The following TENT4B variants were observed in gnomAD, a reference collection of about 807,000 sequenced individuals.
The protein encoded by TENT4B is PAP associated domain containing 5.
Under a neutral mutation model 75.0 loss-of-function variants are expected in TENT4B, and 10 were observed. The ratio of observed to expected loss-of-function variants is 0.13; its 90% CI spans 0.08 to 0.23. TENT4B has a LOEUF of 0.23. Ranked by LOEUF, TENT4B falls within the 10% of genes least tolerant of loss-of-function variation. The pLI is 1.00. For synonymous variants in TENT4B, 350 were observed against 357.7 expected (o/e 0.98, Z 0.24); for missense variants, 579 against 893.8 (o/e 0.65, Z 4.49).
At position 50,231,927 on chromosome 16, in the gene TENT4B, C is replaced by T. The variant is rs1224046477; in HGVS notation, c.*2599C>T. On this transcript the variant is annotated 3_prime_UTR_variant, in exon 12 of 12. Coordinates refer to ENST00000561678, the MANE Select transcript of TENT4B (RefSeq NM_001365324.3). ...TACTTCCTATATTTTGTGAATATAT[C>T]AGAAATGTGTCATTTATATATTAGA... The T allele has an allele frequency of 1.0e-6, 1 of 978,342 alleles. No homozygotes were observed. The highest frequency in any genetic ancestry group is 1.2e-6 in the Non-Finnish European group (1 of 823,636). 60.6% of individuals were successfully genotyped at this position (978,342 alleles called of 1,614,324 possible).
chr16:50,153,182 G>T (rs1352165215), upstream of TENT4B: 1 of 138,814 alleles, frequency 7.2e-6, no homozygotes, highest in African/African-American at 3.7e-5. Context: ...GGGCGGGGCG[G>T]TGGGGGGGGG....
At chr16:50,153,145 C>A, upstream of TENT4B, 1 of 459,902 alleles carries the variant, frequency 2.2e-6, no homozygotes, top group Non-Finnish European at 2.7e-6. Flanking sequence ...TGCTGCGCGG[C>A]GCAGCGGGGG....
chr16:50,179,416 C>T (rs1159130647), intron 1 of TENT4B, among the ~76,000 whole-genome samples: 4 of 151,866 alleles, frequency 2.6e-5, no homozygotes, highest in Admixed American at 6.6e-5. Context: ...TACTTTGGGG[C>T]TTATGTGACC....
intron 1 of TENT4B, among the ~76,000 whole-genome samples, chr16:50,189,880 C>T (rs1488954340): frequency 6.6e-6 from 1 of 151,568 alleles, no homozygotes; most frequent in Non-Finnish European, 1.5e-5. Flanking sequence ...AGTTCGAGAC[C>T]AGCCTGGCCA....
At chr16:50,190,673 G>A (rs1359549239) in intron 1 of TENT4B, among the ~76,000 whole-genome samples, 2 of 151,752 alleles carry the variant, frequency 1.3e-5, no homozygotes, top group Admixed American at 1.3e-4. Context: ...CAATTCTTTT[G>A]GGTAGCTACA....
intron 1 of TENT4B, among the ~76,000 whole-genome samples, chr16:50,172,550 T>G (rs1235451207): frequency 5.9e-5 from 9 of 151,632 alleles, no homozygotes; most frequent in Middle Eastern, 3.2e-3. Context: ...ATGGAAAAAT[T>G]GAGCAGGAGT....
At chr16:50,177,306 G>A (rs1228664334) in intron 1 of TENT4B, among the ~76,000 whole-genome samples, 2 of 152,034 alleles carry the variant, frequency 1.3e-5, no homozygotes, top group East Asian at 3.9e-4. Context: ...CCTGGCCCGA[G>A]ATAATATCTA....
chr16:50,206,533 C>T (rs746562395), intron 1 of TENT4B, among the ~76,000 whole-genome samples: 9 of 151,852 alleles, frequency 5.9e-5, no homozygotes, highest in Admixed American at 2.0e-4. Context: ...AAAGCTGGAC[C>T]TTGATGTGGA....
In TENT4B at chr16:50,231,645, A is replaced by G. The variant is rs924082582; in HGVS notation, c.*2317A>G. On this transcript the variant is annotated 3_prime_UTR_variant, in exon 12 of 12. Transcript: ENST00000561678. ...TTATTGGGAAAATAGTTTTTCCTGT[A>G]CTGCTGAAGTTTCTTTTTGGTAAAC... is the stretch of plus-strand genomic sequence containing the variant. 1.3e-5 allele frequency: 13 copies of G among 985,712 alleles called. No individual in the cohort carries two copies. In the African/African-American group the frequency reaches 2.3e-4, roughly 17 times the overall value. 61.1% of individuals were successfully genotyped at this position (985,712 alleles called of 1,614,324 possible).
chr16:50,201,419 C>T (rs1335229510), intron 1 of TENT4B, among the ~76,000 whole-genome samples: 1 of 151,744 alleles, frequency 6.6e-6, no homozygotes. Context: ...TGTCAGTAAT[C>T]CCAGCTACTT....
At chr16:50,193,033 C>T (rs1160944715) in intron 1 of TENT4B, among the ~76,000 whole-genome samples, 2 of 152,320 alleles carry the variant, frequency 1.3e-5, no homozygotes, top group East Asian at 1.9e-4. Context: ...TGTGCCACTG[C>T]ACTCTAGCCT....
intron 1 of TENT4B, among the ~76,000 whole-genome samples, chr16:50,164,937 C>G (rs1335762719): frequency 6.6e-6 from 1 of 151,760 alleles, no homozygotes; most frequent in African/African-American, 2.4e-5. Flanking sequence ...CCTTGAAGTC[C>G]CAGCTACTTG....
At position 50,164,889 on chromosome 16, in the gene TENT4B, C is replaced by CA. The variant is rs1450126359; in HGVS notation, c.638+10642dup. ...TGACATGGTGAAACTCCGTCTCTACCAAAAAAAAAAAATTAGCCAGGCATG... is the reference window on the plus strand; with the variant it reads ...TGACATGGTGAAACTCCGTCTCTACCAAAAAAAAAAAAATTAGCCAGGCATG... On this transcript the variant is annotated intron_variant, in intron 1 of 11. Transcript: ENST00000561678. 6.0e-3 allele frequency among the ~76,000 whole-genome samples: 857 copies of CA among 142,034 alleles called. 7 individuals are homozygous for CA. Among genetic ancestry groups the CA allele is most frequent in the African/African-American group, 0.016 (632 of 38,822 alleles). 93.2% of individuals were successfully genotyped at this position (142,034 alleles called of 152,430 possible).
At chr16:50,183,250 G>T (rs1338744985) in intron 1 of TENT4B, among the ~76,000 whole-genome samples, 1 of 151,818 alleles carries the variant, frequency 6.6e-6, no homozygotes, top group Non-Finnish European at 1.5e-5. Context: ...CTCCATGTTG[G>T]TCAGGCTGGT....
rs562554201 is a variant in TENT4B at position 50,233,532 on chromosome 16, A to G, written c.*4204A>G. 1 of 985,118 alleles carries G rather than the reference A, an allele frequency of 1.0e-6. No individual in the cohort carries two copies. Among genetic ancestry groups the G allele is most frequent in the Non-Finnish European group, 1.2e-6 (1 of 829,802 alleles). The allele number at this position is 985,118 out of a possible 1,614,324, so 61.0% of individuals were successfully genotyped here. A position where few individuals can be genotyped will look rare whatever the true frequency, so the allele number is the denominator to read the frequency against. ...TTTTTTGGTCAAAGATAATGAGCTA[A>G]ATATATATAGACGTTGAATGTTGAC... On this transcript the variant is annotated 3_prime_UTR_variant, in exon 12 of 12. Coordinates refer to ENST00000561678, the MANE Select transcript of TENT4B (RefSeq NM_001365324.3).
In TENT4B at chr16:50,233,885, A is replaced by G. The variant is rs2032371249; in HGVS notation, c.*4557A>G. On this transcript the variant is annotated 3_prime_UTR_variant, in exon 12 of 12. Coordinates refer to ENST00000561678, the MANE Select transcript of TENT4B (RefSeq NM_001365324.3). ...GAGAGATATTTTAGCTATGTCAATA[A>G]GAACAGCTAATGATGTGGAAATCAG... is the stretch of plus-strand genomic sequence containing the variant. 2 of 985,338 alleles carry G rather than the reference A, an allele frequency of 2.0e-6. No individual in the cohort carries two copies. Among genetic ancestry groups the G allele is most frequent in the African/African-American group, 3.5e-5 (2 of 57,258 alleles). The allele number at this position is 985,338 out of a possible 1,614,324, so 61.0% of individuals were successfully genotyped here. A position where few individuals can be genotyped will look rare whatever the true frequency, so the allele number is the denominator to read the frequency against.
chr16:50,211,747 CATT>C (rs746199213), intron 2 of TENT4B, among the ~76,000 whole-genome samples: 14 of 152,068 alleles, frequency 9.2e-5, no homozygotes, highest in Admixed American at 3.9e-4. Flanking sequence ...AATCAAACCT[CATT>C]GTTGTAGTGG....
At chr16:50,181,529 T>C (rs1032507107) in intron 1 of TENT4B, among the ~76,000 whole-genome samples, 15 of 149,212 alleles carry the variant, frequency 1.0e-4, no homozygotes, top group Non-Finnish European at 2.2e-4. Context: ...GGTCTTGAAC[T>C]CCTGAGCTCA....
intron 1 of TENT4B, among the ~76,000 whole-genome samples, chr16:50,201,423 G>A (rs2030640336): frequency 6.6e-6 from 1 of 151,934 alleles, no homozygotes; most frequent in South Asian, 2.1e-4. Flanking sequence ...AGTAATCCCA[G>A]CTACTTAGGA....
Sources: allele counts gnomAD v4.1 joint callset (sites outside exome capture counted in the v4.1 genomes callset), GRCh38; gene constraint gnomAD v4.1.1; transcripts MANE v1.5; gene names NCBI Gene and HGNC (gene_info 2026-07-23, HGNC 2026-07-21).